Variants in PCNX2 observed in about 807,000 individuals in gnomAD.
PCNX2 encodes pecanex-like protein 2.
A neutral mutation model predicts 223.8 loss-of-function variants in PCNX2; 168 were observed. That is an observed-to-expected ratio of 0.75 (90% CI 0.66 to 0.85). The LOEUF is 0.85. PCNX2 is among the 40% of genes least tolerant of loss of function. The pLI, the probability that PCNX2 is intolerant of heterozygous loss-of-function variation, is 0.00. For synonymous variants in PCNX2, 1,006 were observed against 1,052.6 expected (o/e 0.96, Z 0.86); for missense variants, 2,507 against 2,675.5 (o/e 0.94, Z 1.39).
intron 17 of PCNX2, among the ~76,000 whole-genome samples, chr1:233,170,008 T>A (rs1451683529): frequency 6.6e-6 from 1 of 152,256 alleles, no homozygotes; most frequent in Non-Finnish European, 1.5e-5. Context: ...TGCTCAACAT[T>A]ACGTGGTTAA....
chr1:233,258,535 C>T lies in PCNX2; in HGVS notation c.1327G>A (p.Val443Ile). 1.2e-6 allele frequency: 2 copies of T among 1,614,006 alleles called. No individual in the cohort carries two copies. Among genetic ancestry groups the T allele is most frequent in the East Asian group, 2.2e-5 (1 of 44,872 alleles). Residue 443 changes from valine (V) to isoleucine (I), a missense_variant, in exon 5 of 34, where the codon GTT becomes ATT. By Grantham distance (29) the Val-to-Ile change is conservative (BLOSUM62 3). Around this residue, in one of 3 missense-constraint regions of PCNX2, gnomAD observed 1,031 missense variants for 1,021.7 expected, o/e 1.01. Transcript: ENST00000258229. ...CTTCCATTGCCTTCGGGACAGGGAACACCTCCTCCCCCACCCTCAGGCAGG... is the reference window on the plus strand; with the variant it reads ...CTTCCATTGCCTTCGGGACAGGGAATACCTCCTCCCCCACCCTCAGGCAGG... ...LDLPEGGGGG[V>I]PCPEGNGSER...
intron 25 of PCNX2, among the ~76,000 whole-genome samples, chr1:233,048,565 A>C (rs1372543549): frequency 6.6e-6 from 1 of 152,258 alleles, no homozygotes; most frequent in Non-Finnish European, 1.5e-5. Context: ...AAAGTTAGAA[A>C]TATCTCAATT....
intron 17 of PCNX2, among the ~76,000 whole-genome samples, chr1:233,171,093 G>A (rs550045688): frequency 2.0e-5 from 3 of 152,228 alleles, no homozygotes; most frequent in South Asian, 4.1e-4. Flanking sequence ...GACCTCTGAC[G>A]ACTTGAAGTT....
At chr1:233,128,622 A>G (rs1676240686) in intron 21 of PCNX2, among the ~76,000 whole-genome samples, 1 of 152,200 alleles carries the variant, frequency 6.6e-6, no homozygotes, top group Non-Finnish European at 1.5e-5. Flanking sequence ...GGCGTGAGCC[A>G]CTGTGCCCGG....
chr1:233,071,507 T>G (rs1001808736), intron 23 of PCNX2, among the ~76,000 whole-genome samples: 1 of 152,322 alleles, frequency 6.6e-6, no homozygotes, highest in African/African-American at 2.4e-5. Flanking sequence ...TTTTATGGCT[T>G]CATAGTATTC....
At position 233,247,120 on chromosome 1, in the gene PCNX2, C is replaced by T. The variant is rs7553661; in HGVS notation, c.2222+3619G>A. Reference sequence around the variant, plus strand: ...AGTTTAAATCCAGAAGATCGTCTGACGGACATAGGACTGACTCGTTTTTCC... The same window carrying T: ...AGTTTAAATCCAGAAGATCGTCTGATGGACATAGGACTGACTCGTTTTTCC... On this transcript the variant is annotated intron_variant, in intron 8 of 33. Coordinates refer to ENST00000258229, the MANE Select transcript of PCNX2 (RefSeq NM_014801.4). 5.3e-5 allele frequency among the ~76,000 whole-genome samples: 8 copies of T among 152,298 alleles called. No homozygotes were observed. The South Asian group carries it at 1.0e-3, about 20-fold the overall frequency.
chr1:233,322,879 T>A, the PCNX2 span, among the ~76,000 whole-genome samples: 1 of 152,158 alleles, frequency 6.6e-6, no homozygotes, highest in Non-Finnish European at 1.5e-5. Flanking sequence ...CCTCTACCCT[T>A]CTTCGTCTTT....
At chr1:233,255,366 C>T (rs948176955) in intron 5 of PCNX2, among the ~76,000 whole-genome samples, 1 of 152,166 alleles carries the variant, frequency 6.6e-6, no homozygotes, top group Non-Finnish European at 1.5e-5. Flanking sequence ...AGGGCACATC[C>T]GAAGCCTTTC....
chr1:233,304,730 AC>A, the PCNX2 span, among the ~76,000 whole-genome samples: 1 of 152,196 alleles, frequency 6.6e-6, no homozygotes, highest in Non-Finnish European at 1.5e-5. Context: ...AAAATAAAAT[AC>A]GTTATTGGTA....
At chr1:233,176,624 A>C (rs1435232459) in intron 17 of PCNX2, among the ~76,000 whole-genome samples, 1 of 152,220 alleles carries the variant, frequency 6.6e-6, no homozygotes, top group Admixed American at 6.5e-5. Context: ...CAATACACAA[A>C]ACGGACTGAA....
chr1:233,115,886 A>G (rs1173705785), intron 21 of PCNX2, among the ~76,000 whole-genome samples: 2 of 150,842 alleles, frequency 1.3e-5, no homozygotes, highest in Non-Finnish European at 2.9e-5. Context: ...AATAACAACC[A>G]TAACTCAACT....
At chr1:233,113,568 C>T (rs770200261) in intron 21 of PCNX2, among the ~76,000 whole-genome samples, 7 of 152,196 alleles carry the variant, frequency 4.6e-5, no homozygotes, top group Admixed American at 3.3e-4. Flanking sequence ...GTAATTATTA[C>T]GAGCCTGCCT....
chr1:233,248,503 G>A lies in PCNX2; in HGVS notation c.2222+2236C>T, dbSNP rs560930355. 5.9e-5 allele frequency among the ~76,000 whole-genome samples: 9 copies of A among 152,110 alleles called. No homozygotes were observed. The South Asian group carries it at 8.3e-4, about 14-fold the overall frequency. ...TAACGACAGCCGTCTTTTGACCGCC[G>A]GGGTGAGGTGTTTGAGAACGGTGTC... On this transcript the variant is annotated intron_variant, in intron 8 of 33. Transcript: ENST00000258229.
At chr1:233,043,452 A>T (rs1163085301) in intron 25 of PCNX2, among the ~76,000 whole-genome samples, 1 of 151,984 alleles carries the variant, frequency 6.6e-6, no homozygotes, top group Non-Finnish European at 1.5e-5. Flanking sequence ...CATGTGCACA[A>T]TGTGCAGGTT....
At chr1:233,017,378 T>C (rs113502458) in intron 26 of PCNX2, among the ~76,000 whole-genome samples, 15,244 of 137,178 alleles carry the variant, frequency 0.11, 1,019 homozygotes, top group Admixed American at 0.2. Context: ...AGTGCAGCGG[T>C]GCGATCTCGG....
intron 26 of PCNX2, among the ~76,000 whole-genome samples, chr1:233,020,087 G>A (rs1021662773): frequency 2.6e-5 from 4 of 152,146 alleles, no homozygotes; most frequent in South Asian, 2.1e-4. Context: ...TCATTGCTAG[G>A]GAGGAATTAA....
chr1:233,213,424 A>G (rs1572088388), intron 12 of PCNX2, among the ~76,000 whole-genome samples: 1 of 152,218 alleles, frequency 6.6e-6, no homozygotes, highest in African/African-American at 2.4e-5. Context: ...ATGTATCAGT[A>G]TTGGTCCATT....
In PCNX2 at chr1:233,023,364, G is replaced by A. The variant is rs377688478; in HGVS notation, c.4605+1782C>T. 1.4e-4 allele frequency among the ~76,000 whole-genome samples: 21 copies of A among 152,248 alleles called. 1 individual carries two copies. In the South Asian group the frequency reaches 3.9e-3, roughly 29 times the overall value. ...TCCAGGTGGCATGTGACAATGTTCC[G>A]GCTGATGGGATACAACAGGAGGATA... is the stretch of plus-strand genomic sequence containing the variant. On this transcript the variant is annotated intron_variant, in intron 26 of 33. Transcript: ENST00000258229.
chr1:232,996,561 G>A (rs72759994), intron 32 of PCNX2, among the ~76,000 whole-genome samples: 5 of 151,888 alleles, frequency 3.3e-5, no homozygotes, highest in South Asian at 2.1e-4. Context: ...TTTGAGCAGC[G>A]GATACCACCT....
Sources: allele counts gnomAD v4.1 joint callset (sites outside exome capture counted in the v4.1 genomes callset), GRCh38; gene constraint gnomAD v4.1.1; regional missense constraint gnomAD v4.1.1; transcripts MANE v1.5; gene names NCBI Gene and HGNC (gene_info 2026-07-23, HGNC 2026-07-21).